The following LRRIQ3 variants were observed in gnomAD, a reference collection of about 807,000 sequenced individuals.
LRRIQ3 encodes leucine-rich repeat and IQ domain-containing protein 3.
LRRIQ3 carries 75 observed loss-of-function variants against 59.3 expected under a neutral mutation model. The observed-to-expected ratio is 1.26, with a 90% CI of 1.05 to 1.53. The LOEUF (loss-of-function observed/expected upper bound fraction) is 1.53, where lower values mean the gene tolerates loss of function less well. LRRIQ3 is among the 40% of genes most tolerant of loss of function. The pLI, the probability that LRRIQ3 is intolerant of heterozygous loss-of-function variation, is 0.00. For synonymous variants in LRRIQ3, 250 were observed against 231.3 expected (o/e 1.08, Z -0.73); for missense variants, 831 against 710.0 (o/e 1.17, Z -1.94).
At chr1:74,068,724 T>C (rs528267585) in intron 6 of LRRIQ3, among the ~76,000 whole-genome samples, 2 of 152,092 alleles carry the variant, frequency 1.3e-5, no homozygotes, top group African/African-American at 2.4e-5. Context: ...TCTAGTCTTA[T>C]ATGCATGAGT....
chr1:74,109,504 A>G lies in LRRIQ3; in HGVS notation c.757T>C (p.Tyr253His), dbSNP rs1418272482. 6.4e-7 allele frequency: 1 copy of G among 1,566,026 alleles called. No individual in the cohort carries two copies. Among genetic ancestry groups the G allele is most frequent in the African/African-American group, 1.4e-5 (1 of 72,410 alleles). ...KKQQEKIIRG[Y>H]EAKWIYITKG... ...GTTATGTAAATCCATTTTGCTTCAT[A>G]TCCTCTAATAATTTTTTCCTGCTGT... The change falls in exon 5 of 8, where the codon TAT becomes CAT. Residue 253 changes from tyrosine to histidine, a missense_variant. By Grantham distance (83) the Tyr-to-His change is moderately conservative. Transcript: ENST00000354431.
intron 4 of LRRIQ3, among the ~76,000 whole-genome samples, chr1:74,126,145 T>C (rs1646932983): frequency 6.6e-6 from 1 of 151,882 alleles, no homozygotes; most frequent in South Asian, 2.1e-4. Context: ...TGCATATAGT[T>C]TCTCATCGTA....
At chr1:74,118,386 A>G (rs775617685) in intron 4 of LRRIQ3, among the ~76,000 whole-genome samples, 2 of 152,112 alleles carry the variant, frequency 1.3e-5, no homozygotes, top group Non-Finnish European at 2.9e-5. Context: ...AAATCACTCA[A>G]ATTAAATTTT....
chr1:74,097,922 G>A (rs1456432288), intron 5 of LRRIQ3, among the ~76,000 whole-genome samples: 2 of 152,100 alleles, frequency 1.3e-5, no homozygotes, highest in Non-Finnish European at 2.9e-5. Context: ...ACATGGAAAG[G>A]AACAACCAGT....
intron 3 of LRRIQ3, among the ~76,000 whole-genome samples, chr1:74,179,050 A>G (rs1304964861): frequency 6.6e-6 from 1 of 152,126 alleles, no homozygotes; most frequent in East Asian, 1.9e-4. Flanking sequence ...TGATGAAAAT[A>G]AAATCCTTGT....
chr1:74,049,916 C>CTTT (rs71242762), intron 6 of LRRIQ3, among the ~76,000 whole-genome samples: 2 of 142,812 alleles, frequency 1.4e-5, no homozygotes, highest in Non-Finnish European at 1.5e-5. Flanking sequence ...ACCTTTGTGT[C>CTTT]TTTTTTTTCT....
intron 7 of LRRIQ3, among the ~76,000 whole-genome samples, chr1:74,032,489 G>A (rs942234541): frequency 4.6e-5 from 7 of 151,796 alleles, no homozygotes; most frequent in Admixed American, 4.6e-4. Context: ...CAGATCAGTG[G>A]TTGTTGTCAG....
rs202069540 is a variant in LRRIQ3 at position 74,143,389 on chromosome 1, T to C, written c.707+12344A>G. ...AAAGAAGTAAGGTAAATTTTGAAGA[T>C]GCAAAATTTAAATAGTATTGCCTTG... On this transcript the variant is annotated intron_variant, in intron 4 of 7. Transcript: ENST00000354431. Among the ~76,000 whole-genome samples the C allele has an allele frequency of 2.0e-5, 3 of 151,916 alleles. No individual in the cohort carries two copies. In the East Asian group the frequency reaches 5.8e-4, roughly 29 times the overall value.
intron 4 of LRRIQ3, among the ~76,000 whole-genome samples, chr1:74,150,015 C>T (rs182008416): frequency 6.6e-6 from 1 of 152,164 alleles, no homozygotes. Context: ...TTCTGGCTAA[C>T]GAAATGTAGG....
chr1:74,117,482 C>T (rs1557623502), intron 4 of LRRIQ3, among the ~76,000 whole-genome samples: 1 of 152,032 alleles, frequency 6.6e-6, no homozygotes, highest in Admixed American at 6.6e-5. Flanking sequence ...TAATAATATA[C>T]CAGCTTAGTG....
Position 74,085,880 on chromosome 1 carries a change from A to G in LRRIQ3, c.868-11090T>C, listed in dbSNP as rs576122129. On this transcript the variant is annotated intron_variant, in intron 5 of 7. Transcript: ENST00000354431. ...ATACATAGGCACTAAGATCAAACAC[A>G]GTTAATTCTAACACACAATTCTAAT... Among the ~76,000 whole-genome samples, 288 of 152,202 alleles carry G rather than the reference A, an allele frequency of 1.9e-3. 2 individuals are homozygous for G. Among genetic ancestry groups the G allele is most frequent in the Non-Finnish European group, 2.9e-3 (198 of 67,940 alleles).
rs774126518 is a variant in LRRIQ3 at position 74,041,533 on chromosome 1, ATATTTTTTCTG to A, written c.1387_1397del (p.Gln463CysfsTer7). ...TTTCTTCAATTAGTTTTTGTGTAGC[ATATTTTTTCTG>A]ATTCAAATGTTCATTAACAGCTACT... On this transcript the variant is annotated frameshift_variant, in exon 7 of 8. Transcript: ENST00000354431. LOFTEE classifies it high-confidence loss of function. The A allele has an allele frequency of 3.0e-4, 487 of 1,611,954 alleles. 1 individual carries two copies. Among genetic ancestry groups the A allele is most frequent in the Non-Finnish European group, 4.0e-4 (476 of 1,179,520 alleles).
chr1:74,098,875 T>C (rs1249652189), intron 5 of LRRIQ3, among the ~76,000 whole-genome samples: 1 of 152,076 alleles, frequency 6.6e-6, no homozygotes, highest in Non-Finnish European at 1.5e-5. Context: ...AGACACAACA[T>C]ACCAGAATCT....
intron 4 of LRRIQ3, among the ~76,000 whole-genome samples, chr1:74,138,038 C>T (rs1042378604): frequency 1.3e-5 from 2 of 151,292 alleles, no homozygotes; most frequent in African/African-American, 4.9e-5. Context: ...ACGTGTATAC[C>T]TGTATAACAA....
intron 6 of LRRIQ3, among the ~76,000 whole-genome samples, chr1:74,060,334 A>T (rs561151485): frequency 0.096 from 7,012 of 72,746 alleles, no homozygotes; most frequent in Middle Eastern, 0.24. Context: ...CTCCTCTTCC[A>T]CCTCCTCCTC....
Position 74,198,092 on chromosome 1 carries a change from C to A in LRRIQ3, c.-97G>T. The A allele has an allele frequency of 7.8e-7, 1 of 1,277,238 alleles. No homozygotes were observed. The highest frequency in any genetic ancestry group is 1.0e-6 in the Non-Finnish European group (1 of 959,196). The allele number at this position is 1,277,238 out of a possible 1,614,324, so 79.1% of individuals were successfully genotyped here. ...GCTGGGCGGCCATCTGCTCCTGAGACCGTTGCTAGAGAAACAAGACAACAT... is the reference window on the plus strand; with the variant it reads ...GCTGGGCGGCCATCTGCTCCTGAGAACGTTGCTAGAGAAACAAGACAACAT... On this transcript the variant is annotated 5_prime_UTR_variant, in exon 1 of 8. Coordinates refer to ENST00000354431, the MANE Select transcript of LRRIQ3 (RefSeq NM_001105659.2).
intron 4 of LRRIQ3, among the ~76,000 whole-genome samples, chr1:74,120,576 A>T (rs1305838645): frequency 6.6e-6 from 1 of 151,890 alleles, no homozygotes; most frequent in Non-Finnish European, 1.5e-5. Flanking sequence ...AAATCTACTA[A>T]TCTCTTTGAT....
At position 74,088,268 on chromosome 1, in the gene LRRIQ3, C is replaced by T. The variant is rs1339521556; in HGVS notation, c.868-13478G>A. 2.6e-5 allele frequency among the ~76,000 whole-genome samples: 4 copies of T among 151,992 alleles called. No individual in the cohort carries two copies. The East Asian group carries it at 5.8e-4, about 22-fold the overall frequency. On this transcript the variant is annotated intron_variant, in intron 5 of 7. Coordinates refer to ENST00000354431, the MANE Select transcript of LRRIQ3 (RefSeq NM_001105659.2). Reference sequence around the variant, plus strand: ...CAGAGAAAATAACACAACATTCATACACATGGGAGGAATTATTTGCATGTT... The same window carrying T: ...CAGAGAAAATAACACAACATTCATATACATGGGAGGAATTATTTGCATGTT...
In LRRIQ3 at chr1:74,134,618, A is replaced by T. The variant is rs533262971; in HGVS notation, c.707+21115T>A. ...ATATAGAGCAACAGTAGGGCAAAGG[A>T]AGGTAGAGGGATTTAAGTTTTACTG... is the stretch of plus-strand genomic sequence containing the variant. On this transcript the variant is annotated intron_variant, in intron 4 of 7. Coordinates refer to ENST00000354431, the MANE Select transcript of LRRIQ3 (RefSeq NM_001105659.2). Among the ~76,000 whole-genome samples the T allele has an allele frequency of 3.9e-5, 6 of 152,096 alleles. No individual in the cohort carries two copies. In the South Asian group the frequency reaches 1.2e-3, roughly 32 times the overall value.
Sources: gnomAD v4.1 joint callset for allele counts (sites outside exome capture counted in the v4.1 genomes callset) on GRCh38, gnomAD v4.1.1 for gene constraint, MANE v1.5 for transcripts, NCBI Gene and HGNC (gene_info 2026-07-23, HGNC 2026-07-21) for gene names.